PCDH15: variants seen among roughly 807,000 people sequenced by gnomAD.
PCDH15 encodes protocadherin-15.
In PCDH15, 129 loss-of-function variants were observed where a neutral mutation model predicts 178.5. The ratio of observed to expected loss-of-function variants is 0.72; its 90% CI spans 0.63 to 0.84. The LOEUF (loss-of-function observed/expected upper bound fraction) is 0.84. Among genes scored for constraint, PCDH15 ranks in the 40% least tolerant of loss-of-function variants. The probability of loss-of-function intolerance (pLI) is 0.00; values close to 1 mark genes in which losing one functional copy is unlikely to be tolerated. For synonymous variants in PCDH15, 800 were observed against 732.0 expected, an observed-to-expected ratio of 1.09 and a Z score of -1.50; for missense variants, 2,230 against 2,099.9, an observed-to-expected ratio of 1.06 and a Z score of -1.21.
intron 2 of PCDH15, among the ~76,000 whole-genome samples, chr10:55,054,892 G>T (rs1046001284): frequency 6.6e-6 from 1 of 152,134 alleles, no homozygotes. Flanking sequence ...ATTTGTTTAA[G>T]TTCCTTATAG....
chr10:54,207,218 A>G (rs984717559), intron 10 of PCDH15, among the ~76,000 whole-genome samples: 8 of 152,152 alleles, frequency 5.3e-5, no homozygotes, highest in Non-Finnish European at 7.4e-5. Flanking sequence ...ACAAGAGGAC[A>G]TCATACTTCC....
At chr10:55,525,166 A>G (rs1237107253) in intron 2 of PCDH15, among the ~76,000 whole-genome samples, 1 of 151,876 alleles carries the variant, frequency 6.6e-6, no homozygotes, top group East Asian at 1.9e-4. Context: ...TTAGAATAAA[A>G]CAGAAAGGTA....
intron 1 of PCDH15, among the ~76,000 whole-genome samples, chr10:55,281,035 T>A (rs1464792327): frequency 6.6e-6 from 1 of 152,222 alleles, no homozygotes; most frequent in East Asian, 1.9e-4. Flanking sequence ...AAGACTCTAA[T>A]ACTATAGCAT....
chr10:55,545,984 A>G (rs1319778650), intron 2 of PCDH15, among the ~76,000 whole-genome samples: 1 of 152,158 alleles, frequency 6.6e-6, no homozygotes, highest in Non-Finnish European at 1.5e-5. Flanking sequence ...AATAAAATAA[A>G]TGCCTATAAA....
In PCDH15 at chr10:55,510,263, C is replaced by T. The variant is rs1003481029; in HGVS notation, c.-156+117362G>A. Among the ~76,000 whole-genome samples the T allele has an allele frequency of 8.6e-5, 13 of 151,712 alleles. 1 individual carries two copies. Among genetic ancestry groups the T allele is most frequent in the Non-Finnish European group, 1.5e-4 (10 of 67,914 alleles). ...GAAAAAGACAAATTTTTTCTTCATACGGTAGAATCACATATTGATTTGGAA... is the reference window on the plus strand; with the variant it reads ...GAAAAAGACAAATTTTTTCTTCATATGGTAGAATCACATATTGATTTGGAA... On this transcript the variant is annotated intron_variant, in intron 2 of 5. Transcript: ENST00000613346.
At chr10:54,805,825 G>A (rs1010262579), upstream of PCDH15, among the ~76,000 whole-genome samples, 2 of 152,116 alleles carry the variant, frequency 1.3e-5, no homozygotes, top group African/African-American at 4.8e-5. Flanking sequence ...TATACAATGT[G>A]ATTTAGTAAA....
intron 1 of PCDH15, among the ~76,000 whole-genome samples, chr10:55,201,194 T>C (rs1455088556): frequency 3.3e-5 from 5 of 152,056 alleles, no homozygotes; most frequent in Non-Finnish European, 7.4e-5. Flanking sequence ...AGGCTGGAAA[T>C]ATCAGAAGCT....
intron 13 of PCDH15, among the ~76,000 whole-genome samples, chr10:54,178,267 GTA>G (rs1289227804): frequency 6.6e-6 from 1 of 152,044 alleles, no homozygotes; most frequent in Non-Finnish European, 1.5e-5. Context: ...GAAACCCAGA[GTA>G]TATTCTATAC....
intron 2 of PCDH15, among the ~76,000 whole-genome samples, chr10:55,389,432 C>T (rs1837740155): frequency 6.6e-6 from 1 of 152,038 alleles, no homozygotes; most frequent in African/African-American, 2.4e-5. Context: ...ACCATCTAAA[C>T]TTTTCCATTT....
At chr10:54,179,856 A>G (rs2047813719) in intron 13 of PCDH15, among the ~76,000 whole-genome samples, 1 of 152,176 alleles carries the variant, frequency 6.6e-6, no homozygotes, top group South Asian at 2.1e-4. Context: ...ATGTTTGCGA[A>G]TAGTGTTTAT....
intron 3 of PCDH15, among the ~76,000 whole-genome samples, chr10:54,428,680 A>C (rs978906641): frequency 2.0e-4 from 30 of 152,340 alleles, no homozygotes; most frequent in African/African-American, 7.0e-4. Context: ...AAAATATCCC[A>C]AAAGCAGCAA....
intron 35 of PCDH15, among the ~76,000 whole-genome samples, chr10:53,813,283 T>C (rs79120926): frequency 0.035 from 5,372 of 152,244 alleles, 323 homozygotes; most frequent in African/African-American, 0.12. Context: ...TCCATTCACT[T>C]ACATTACTAC....
intron 25 of PCDH15, among the ~76,000 whole-genome samples, chr10:53,918,720 ACACACACACAC>A (rs1246887970): frequency 9.3e-3 from 54 of 5,818 alleles, no homozygotes; most frequent in African/African-American, 0.081. Context: ...ACAAACACAC[ACACACACACAC>A]ACACACACAC....
intron 2 of PCDH15, among the ~76,000 whole-genome samples, chr10:55,591,091 A>C: frequency 6.6e-6 from 1 of 151,764 alleles, no homozygotes; most frequent in Non-Finnish European, 1.5e-5. Flanking sequence ...TCTATCAAAA[A>C]CACCGAGATA....
At chr10:54,888,859 G>A (rs1954409418) in intron 3 of PCDH15, among the ~76,000 whole-genome samples, 1 of 145,252 alleles carries the variant, frequency 6.9e-6, no homozygotes, top group South Asian at 2.2e-4. Context: ...AATGATATAT[G>A]TCTTTTACAG....
intron 2 of PCDH15, among the ~76,000 whole-genome samples, chr10:55,613,667 A>G (rs1843416785): frequency 1.3e-5 from 2 of 152,176 alleles, no homozygotes; most frequent in Non-Finnish European, 2.9e-5. Context: ...AGTGTATTAA[A>G]TGAATCTGTG....
chr10:55,279,388 T>C (rs2132255601), intron 1 of PCDH15, among the ~76,000 whole-genome samples: 1 of 152,268 alleles, frequency 6.6e-6, no homozygotes. Flanking sequence ...GAGTGTGAGC[T>C]CTGAGAGACA....
At chr10:55,541,349 C>T (rs990821894) in intron 2 of PCDH15, among the ~76,000 whole-genome samples, 9 of 151,918 alleles carry the variant, frequency 5.9e-5, no homozygotes, top group Non-Finnish European at 1.0e-4. Flanking sequence ...ATACCCAGTA[C>T]TCTTATAATC....
intron 1 of PCDH15, among the ~76,000 whole-genome samples, chr10:55,230,739 G>A (rs372174069): frequency 6.6e-6 from 1 of 152,068 alleles, no homozygotes; most frequent in South Asian, 2.1e-4. Flanking sequence ...TTTTATGCTC[G>A]ATTTGTTGGT....
Sources: gnomAD v4.1 joint callset for allele counts (sites outside exome capture counted in the v4.1 genomes callset) on GRCh38, gnomAD v4.1.1 for gene constraint, MANE v1.5 for transcripts, NCBI Gene and HGNC (gene_info 2026-07-23, HGNC 2026-07-21) for gene names.